The following SMAD9 variants were observed in gnomAD, a reference collection of about 807,000 sequenced individuals.
SMAD9 encodes MAD homolog 9.
A neutral mutation model predicts 46.1 loss-of-function variants in SMAD9; 36 were observed. The ratio of observed to expected loss-of-function variants is 0.78; its 90% confidence interval spans 0.60 to 1.03. The LOEUF (loss-of-function observed/expected upper bound fraction) is 1.03, where lower values mean the gene tolerates loss of function less well. Among genes scored for constraint, SMAD9 ranks in the 50% least tolerant of loss-of-function variants. SMAD9 has a pLI of 0.00. For missense variants in SMAD9, 572 were observed against 599.8 expected, an observed-to-expected ratio of 0.95 and a Z score of 0.48; for synonymous variants, 245 against 237.1, an observed-to-expected ratio of 1.03 and a Z score of -0.31.
At chr13:36,874,229 C>T (rs747493374) in intron 2 of SMAD9, among the ~76,000 whole-genome samples, 4 of 152,194 alleles carry the variant, frequency 2.6e-5, no homozygotes, top group Admixed American at 6.5e-5. Context: ...TTGAAAAGAG[C>T]CACAGAGTGT....
chr13:36,895,433 G>T (rs7988710), intron 1 of SMAD9, among the ~76,000 whole-genome samples: 2 of 152,126 alleles, frequency 1.3e-5, no homozygotes, highest in African/African-American at 4.8e-5. Context: ...GCGTTACAGG[G>T]TGTTTAGCAG....
intron 1 of SMAD9, among the ~76,000 whole-genome samples, chr13:36,902,247 G>T (rs555831019): frequency 6.6e-6 from 1 of 152,208 alleles, no homozygotes; most frequent in African/African-American, 2.4e-5. Context: ...GTTCTCCACT[G>T]AATAAAGAAC....
chr13:36,853,331 C>G, intron 6 of SMAD9, 88 bp downstream of exon 6: 2 of 1,301,232 alleles, frequency 1.5e-6, no homozygotes, highest in Non-Finnish European at 2.2e-6. Context: ...CAGAATTGAC[C>G]GCACAACTGC....
chr13:36,849,084 C>G lies in SMAD9; in HGVS notation c.1261-265G>C, dbSNP rs61950365. Among the ~76,000 whole-genome samples the G allele has an allele frequency of 5.1e-3, 780 of 152,358 alleles. 3 individuals are homozygous for G. Among genetic ancestry groups the G allele is most frequent in the Admixed American group, 6.7e-3 (103 of 15,312 alleles). On this transcript the variant is annotated intron_variant, in intron 6 of 6. Coordinates refer to ENST00000379826, the MANE Select transcript of SMAD9 (RefSeq NM_001127217.3). ...TAGAGAGGTTCTGGCACTCCAGTCA[C>G]ACGGGAAGCACTGAAAAATCATTTT...
chr13:36,868,045 T>C (rs974957743), intron 3 of SMAD9, among the ~76,000 whole-genome samples: 3 of 152,230 alleles, frequency 2.0e-5, no homozygotes, highest in South Asian at 2.1e-4. Flanking sequence ...TCAGTATGCA[T>C]GTCTAATGTT....
chr13:36,887,693 G>A (rs1460874898), intron 1 of SMAD9, among the ~76,000 whole-genome samples: 1 of 152,084 alleles, frequency 6.6e-6, no homozygotes, highest in African/African-American at 2.4e-5. Flanking sequence ...TTAAAGATGA[G>A]GCTTCTGGAG....
At chr13:36,905,881 C>T (rs547145460) in intron 1 of SMAD9, among the ~76,000 whole-genome samples, 9 of 149,016 alleles carry the variant, frequency 6.0e-5, no homozygotes, top group Admixed American at 2.0e-4. Context: ...GATAGGGTCT[C>T]GCTATATTTT....
intron 1 of SMAD9, among the ~76,000 whole-genome samples, chr13:36,917,160 G>A (rs2058704588): frequency 6.6e-6 from 1 of 152,056 alleles, no homozygotes; most frequent in Admixed American, 6.6e-5. Flanking sequence ...CAGTTTTCAT[G>A]GGTATAATGA....
intron 5 of SMAD9, among the ~76,000 whole-genome samples, chr13:36,861,376 A>G (rs1018185017): frequency 1.3e-5 from 2 of 151,684 alleles, no homozygotes; most frequent in South Asian, 2.1e-4. Context: ...GTGCAATGGC[A>G]CAGTCTTGGC....
At position 36,893,389 on chromosome 13, in the gene SMAD9, C is replaced by CATATATATATATATATATATATATAT. The variant is rs538703517; in HGVS notation, c.-186-13515_-186-13514insATATATATATATATATATATATATAT. 8.9e-5 allele frequency among the ~76,000 whole-genome samples: 13 copies of CATATATATATATATATATATATATAT among 146,288 alleles called. No individual in the cohort carries two copies. The South Asian group carries it at 2.8e-3, about 32-fold the overall frequency. On this transcript the variant is annotated intron_variant, in intron 1 of 6. Transcript: ENST00000379826. ...CCACTTCCCTAAAGAAACTATTGTA[C>CATATATATATATATATATATATATAT]ATATATATATATATTTCCCCCTTCA...
At chr13:36,887,364 A>G (rs1333417554) in intron 1 of SMAD9, among the ~76,000 whole-genome samples, 1 of 151,684 alleles carries the variant, frequency 6.6e-6, no homozygotes. Flanking sequence ...CTGGGATTAC[A>G]GGTGTACACC....
rs908581409 is a variant in SMAD9, at chr13:36,846,009, G to C, written c.*2667C>G. ...GGGTGTCACTTTGTCACCCAGGCTA[G>C]AATGAAGTTGTATGATCATAGTTCA... On this transcript the variant is annotated 3_prime_UTR_variant, in exon 7 of 7. Coordinates refer to ENST00000379826, the MANE Select transcript of SMAD9 (RefSeq NM_001127217.3). The C allele has an allele frequency of 6.6e-6, 1 of 152,088 alleles. No individual in the cohort carries two copies. The highest frequency in any genetic ancestry group is 1.5e-5 in the Non-Finnish European group (1 of 68,028). 9.4% of individuals were successfully genotyped at this position (152,088 alleles called of 1,614,324 possible).
chr13:36,910,693 A>G (rs2058654484), intron 1 of SMAD9, among the ~76,000 whole-genome samples: 1 of 152,132 alleles, frequency 6.6e-6, no homozygotes, highest in Non-Finnish European at 1.5e-5. Flanking sequence ...TCTTCAAAAC[A>G]GAGCTGGAAG....
rs886050177 is a variant in SMAD9 at position 36,920,187 on chromosome 13, A to AGCGGCAGCGGCGGCGGCG, written c.-259_-258insCGCCGCCGCCGCTGCCGC. On this transcript the variant is annotated 5_prime_UTR_variant, in exon 1 of 7. Transcript: ENST00000379826. ...CGGGGACCGAGACAGCGGCTGCAGC[A>AGCGGCAGCGGCGGCGGCG]GCGGCGGCGGCGGCGGCGGCGGCGG... 1 of 143,946 alleles carries AGCGGCAGCGGCGGCGGCG rather than the reference A, an allele frequency of 6.9e-6. No individual in the cohort carries two copies. The highest frequency in any genetic ancestry group is 1.4e-5 in the Non-Finnish European group (1 of 71,886). 8.9% of individuals were successfully genotyped at this position (143,946 alleles called of 1,614,324 possible). A position where few individuals can be genotyped will look rare whatever the true frequency, so the allele number is the denominator to read the frequency against.
intron 1 of SMAD9, among the ~76,000 whole-genome samples, chr13:36,919,014 G>C (rs1224779497): frequency 6.6e-6 from 1 of 152,136 alleles, no homozygotes; most frequent in African/African-American, 2.4e-5. Context: ...TAGTAAACTG[G>C]ATCCATCCAA....
intron 1 of SMAD9, among the ~76,000 whole-genome samples, chr13:36,890,494 T>G (rs2058480982): frequency 6.6e-6 from 1 of 152,238 alleles, no homozygotes; most frequent in Admixed American, 6.5e-5. Context: ...ACCAGTTTTT[T>G]TCAATGTTCC....
At chr13:36,879,012 T>C (rs1370759104) in intron 2 of SMAD9, among the ~76,000 whole-genome samples, 1 of 152,228 alleles carries the variant, frequency 6.6e-6, no homozygotes, top group Non-Finnish European at 1.5e-5. Flanking sequence ...TAACAGGGTT[T>C]TACTGCGATT....
Position 36,879,551 on chromosome 13 carries a change from T to A in SMAD9, c.139A>T (p.Lys47Ter), listed in dbSNP as rs1482543614. The change falls in exon 2 of 7, where the codon AAG becomes TAG. Residue 47 changes from lysine to a stop codon, truncating the protein, a stop_gained. Coordinates refer to ENST00000379826, the MANE Select transcript of SMAD9 (RefSeq NM_001127217.3). LOFTEE classifies it high-confidence loss of function. ...AGCTCGTCCATGGCTCCCTTCTTCT[T>A]CTTTAACTTCTTCACTAGAGAGTCC... is the stretch of plus-strand genomic sequence containing the variant. Reference protein sequence around the residue: ...AVDSLVKKLKKKKGAMDELER... With the variant: ...AVDSLVKKLK 2 of 1,614,032 alleles carry A rather than the reference T, an allele frequency of 1.2e-6. No homozygotes were observed. Among genetic ancestry groups the A allele is most frequent in the Non-Finnish European group, 1.7e-6 (2 of 1,179,994 alleles).
intron 1 of SMAD9, among the ~76,000 whole-genome samples, chr13:36,912,075 A>T (rs1442849145): frequency 6.6e-6 from 1 of 152,232 alleles, no homozygotes; most frequent in Admixed American, 6.5e-5. Flanking sequence ...TCAACTGCTT[A>T]GCTAGGAGTT....
Sources: gnomAD v4.1 joint callset for allele counts (sites outside exome capture counted in the v4.1 genomes callset) on GRCh38, gnomAD v4.1.1 for gene constraint, MANE v1.5 for transcripts, NCBI Gene and HGNC (gene_info 2026-07-23, HGNC 2026-07-21) for gene names.